SATB2: variants seen among roughly 807,000 people sequenced by gnomAD.
SATB2 encodes SATB homeobox 2, also known as DNA-binding protein SATB2.
SATB2 carries 1 observed loss-of-function variant against 73.4 expected under a neutral mutation model. The ratio of observed to expected loss-of-function variants is 0.01; its 90% confidence interval spans 0.00 to 0.06. SATB2 has a LOEUF of 0.06. Among genes scored for constraint, SATB2 ranks in the 10% least tolerant of loss-of-function variants. SATB2 has a pLI of 1.00. For missense variants in SATB2, 459 were observed against 945.8 expected (o/e 0.49, Z 6.75); for synonymous variants, 397 against 367.0 (o/e 1.08, Z -0.93).
chr2:199,407,743 GA>G (rs1469761865), intron 3 of SATB2, among the ~76,000 whole-genome samples: 3 of 152,056 alleles, frequency 2.0e-5, no homozygotes, highest in African/African-American at 7.2e-5. Context: ...AGCTAATATA[GA>G]AAATAAAATC....
chr2:199,399,080 G>T (rs1175322460), intron 3 of SATB2, among the ~76,000 whole-genome samples: 1 of 152,080 alleles, frequency 6.6e-6, no homozygotes, highest in Non-Finnish European at 1.5e-5. Flanking sequence ...AGACCAGCCT[G>T]AGCAACATGA....
chr2:199,412,530 TG>T (rs1288851107), intron 3 of SATB2, among the ~76,000 whole-genome samples: 2 of 152,230 alleles, frequency 1.3e-5, no homozygotes, highest in African/African-American at 4.8e-5. Flanking sequence ...TGCTTCAGCA[TG>T]GCATTACTTT....
chr2:199,299,345 G>T (rs1184197033), intron 10 of SATB2, among the ~76,000 whole-genome samples: 1 of 152,104 alleles, frequency 6.6e-6, no homozygotes, highest in Non-Finnish European at 1.5e-5. Flanking sequence ...GGTCTGTTTG[G>T]TTTGATACCT....
Position 199,272,690 on chromosome 2 carries a change from A to G in SATB2, c.1741-18T>C. The G allele has an allele frequency of 6.2e-7, 1 of 1,606,394 alleles. No individual in the cohort carries two copies. The highest frequency in any genetic ancestry group is 1.1e-5 in the South Asian group (1 of 90,928). On this transcript the variant is annotated intron_variant, in intron 10 of 10. Coordinates refer to ENST00000417098, the MANE Select transcript of SATB2 (RefSeq NM_001172509.2). This position sits in a 1 kb window ranked among gnomAD's most constrained non-coding sequence, Gnocchi z 6.7. ...TGAAGTACCTGATAATTAAGAGAGA[A>G]AAAAATGAACACTGGACTCATGATT...
At chr2:199,456,870 C>A (rs1403755413) in intron 1 of SATB2, among the ~76,000 whole-genome samples, 1 of 151,906 alleles carries the variant, frequency 6.6e-6, no homozygotes, top group Non-Finnish European at 1.5e-5. Context: ...AGCCTTCATC[C>A]GCCCCAATTT....
rs369934172 is a variant in SATB2, at chr2:199,372,471, T to C, written c.598-3764A>G. 5.9e-5 allele frequency among the ~76,000 whole-genome samples: 9 copies of C among 152,172 alleles called. No homozygotes were observed. The East Asian group carries it at 1.3e-3, about 23-fold the overall frequency. Reference sequence around the variant, plus strand: ...CTGAAACAACTTTTTAACTCACTTGTTTGTTTTTCAACTAGCCCAGAGAAT... The same window carrying C: ...CTGAAACAACTTTTTAACTCACTTGCTTGTTTTTCAACTAGCCCAGAGAAT... On this transcript the variant is annotated intron_variant, in intron 5 of 10. Coordinates refer to ENST00000417098, the MANE Select transcript of SATB2 (RefSeq NM_001172509.2).
intron 6 of SATB2, among the ~76,000 whole-genome samples, chr2:199,350,418 C>T (rs1221799002): frequency 6.6e-6 from 1 of 151,652 alleles, no homozygotes; most frequent in Admixed American, 6.6e-5. Context: ...GGTGAGATGA[C>T]TGAAAACAGG....
At chr2:199,363,585 A>C (rs1689199924) in intron 6 of SATB2, among the ~76,000 whole-genome samples, 1 of 152,190 alleles carries the variant, frequency 6.6e-6, no homozygotes, top group Admixed American at 6.5e-5. Flanking sequence ...AGCATGGTGA[A>C]TATAGCTAAT....
At chr2:199,443,428 C>G (rs189921843) in intron 2 of SATB2, among the ~76,000 whole-genome samples, 1 of 150,698 alleles carries the variant, frequency 6.6e-6, no homozygotes, top group East Asian at 2.0e-4. Flanking sequence ...GGGAGTTTAA[C>G]TCACAAAAAT....
At chr2:199,413,017 G>T (rs928301713) in intron 3 of SATB2, among the ~76,000 whole-genome samples, 4 of 152,166 alleles carry the variant, frequency 2.6e-5, no homozygotes, top group Admixed American at 6.5e-5. Context: ...GAAAACACCA[G>T]TGCCAAGGAA....
At chr2:199,460,983 C>G (rs1182407573), upstream of SATB2, among the ~76,000 whole-genome samples, 1 of 152,072 alleles carries the variant, frequency 6.6e-6, no homozygotes, top group Non-Finnish European at 1.5e-5. The surrounding 1 kb of genome is among the most constrained non-coding windows in gnomAD (Gnocchi z 4.0). Flanking sequence ...GGAGTTTCCT[C>G]TTGTCCATTT....
intron 10 of SATB2, among the ~76,000 whole-genome samples, chr2:199,285,709 A>G (rs2105733124): frequency 6.6e-6 from 1 of 151,794 alleles, no homozygotes; most frequent in African/African-American, 2.4e-5. Flanking sequence ...ACATACAGCT[A>G]TAGGAGAGGG....
At chr2:199,363,396 G>A (rs532925990) in intron 6 of SATB2, among the ~76,000 whole-genome samples, 1 of 152,298 alleles carries the variant, frequency 6.6e-6, no homozygotes, top group African/African-American at 2.4e-5. Context: ...GTCAAACACA[G>A]AAAGACAAAT....
chr2:199,439,702 C>T (rs1490823161), intron 2 of SATB2, among the ~76,000 whole-genome samples: 1 of 152,184 alleles, frequency 6.6e-6, no homozygotes, highest in Non-Finnish European at 1.5e-5. Context: ...TTATCTCTCT[C>T]TGTCTCTCTC....
intron 3 of SATB2, among the ~76,000 whole-genome samples, chr2:199,424,703 G>C (rs1691275888): frequency 6.6e-6 from 1 of 151,776 alleles, no homozygotes; most frequent in Non-Finnish European, 1.5e-5. Flanking sequence ...CTTTTCCAAA[G>C]GAAAAAAAGA....
chr2:199,428,926 A>G (rs1333020367), intron 3 of SATB2, among the ~76,000 whole-genome samples: 1 of 151,940 alleles, frequency 6.6e-6, no homozygotes, highest in Non-Finnish European at 1.5e-5. Context: ...AGATTGCTTG[A>G]ACCCAAAAGT....
intron 5 of SATB2, among the ~76,000 whole-genome samples, chr2:199,376,607 A>G (rs1182469121): frequency 6.6e-6 from 1 of 152,188 alleles, no homozygotes; most frequent in Non-Finnish European, 1.5e-5. Flanking sequence ...CCTGCATTAT[A>G]GTAACAGCTA....
chr2:199,354,086 G>A (rs933998978), intron 6 of SATB2, among the ~76,000 whole-genome samples: 1 of 152,226 alleles, frequency 6.6e-6, no homozygotes, highest in African/African-American at 2.4e-5. Flanking sequence ...GGCCCGGCAT[G>A]TTGGCTCATG....
intron 10 of SATB2, among the ~76,000 whole-genome samples, chr2:199,286,791 G>T (rs954913882): frequency 6.6e-6 from 1 of 152,230 alleles, no homozygotes; most frequent in East Asian, 1.9e-4. Flanking sequence ...TGGTTAAAAC[G>T]AATAAAGAGT....
Sources: gnomAD v4.1 joint callset for allele counts (sites outside exome capture counted in the v4.1 genomes callset) on GRCh38, gnomAD v4.1.1 for gene constraint, Gnocchi (gnomAD v3.1) non-coding constraint, MANE v1.5 for transcripts, NCBI Gene and HGNC (gene_info 2026-07-23, HGNC 2026-07-21) for gene names.